The following IQCM variants were observed in gnomAD, a reference collection of about 807,000 sequenced individuals.
The protein encoded by IQCM is IQ domain-containing protein M.
IQCM carries 45 observed loss-of-function variants against 57.6 expected under a neutral mutation model. The ratio of observed to expected loss-of-function variants is 0.78; its 90% confidence interval spans 0.62 to 1.00. The LOEUF is 1.00. Ranked by LOEUF, IQCM falls within the 50% of genes least tolerant of loss-of-function variation. IQCM has a pLI of 0.00. For synonymous variants in IQCM, 148 were observed against 158.9 expected, an observed-to-expected ratio of 0.93 and a Z score of 0.51; for missense variants, 468 against 511.6, an observed-to-expected ratio of 0.91 and a Z score of 0.82.
chr4:149,646,376 T>C (rs1758639124), intron 7 of IQCM, among the ~76,000 whole-genome samples: 2 of 152,114 alleles, frequency 1.3e-5, no homozygotes, highest in South Asian at 4.1e-4. Flanking sequence ...TGAGGTTTTT[T>C]TTTAAGTCAG....
At position 149,621,154 on chromosome 4, in the gene IQCM, G is replaced by A; in HGVS notation, c.656C>T (p.Ser219Leu). 1.6e-6 allele frequency: 2 copies of A among 1,229,328 alleles called. No homozygotes were observed. The highest frequency in any genetic ancestry group is 3.2e-5 in the East Asian group (1 of 31,680). 76.2% of individuals were successfully genotyped at this position (1,229,328 alleles called of 1,614,324 possible). ...AGAATAATAATCCCGAAATATTGATGATGATTGAGAGAAACTAACTCGACG... is the reference window on the plus strand; with the variant it reads ...AGAATAATAATCCCGAAATATTGATAATGATTGAGAGAAACTAACTCGACG... ...DSRRVSFSQS[S>L]SIFRDYYSKT... The change falls in exon 8 of 14, where the codon TCA (serine) becomes TTA (leucine). Residue 219 changes from serine (S) to leucine (L), a missense_variant. Ser to Leu is a moderately radical substitution (Grantham distance 145). Coordinates refer to ENST00000636793, the MANE Select transcript of IQCM (RefSeq NM_001363507.2).
intron 2 of IQCM, among the ~76,000 whole-genome samples, chr4:149,796,044 G>A (rs1773081513): frequency 6.6e-6 from 1 of 152,162 alleles, no homozygotes; most frequent in Non-Finnish European, 1.5e-5. Flanking sequence ...CTTGAGAAAA[G>A]CAGAGGGAAA....
chr4:149,597,329 G>A (rs1753870958), intron 8 of IQCM, among the ~76,000 whole-genome samples: 1 of 152,072 alleles, frequency 6.6e-6, no homozygotes, highest in Non-Finnish European at 1.5e-5. Flanking sequence ...AATGACAATT[G>A]AATGACTCAC....
chr4:149,723,986 T>G (rs1765676257), intron 5 of IQCM, among the ~76,000 whole-genome samples: 2 of 151,966 alleles, frequency 1.3e-5, no homozygotes, highest in Admixed American at 1.3e-4. Flanking sequence ...GTTACTGGTC[T>G]GTTCAGGATT....
At chr4:149,710,012 A>G (rs1186507098) in intron 5 of IQCM, among the ~76,000 whole-genome samples, 2 of 152,126 alleles carry the variant, frequency 1.3e-5, no homozygotes, top group East Asian at 1.9e-4. Context: ...TGAGAGTAAC[A>G]TTCTGTTTTC....
At chr4:149,807,717 A>G (rs1234073186) in intron 2 of IQCM, among the ~76,000 whole-genome samples, 7 of 151,768 alleles carry the variant, frequency 4.6e-5, no homozygotes, top group African/African-American at 1.2e-4. Flanking sequence ...TATATAAGGG[A>G]AAAAAAATTA....
intron 9 of IQCM, among the ~76,000 whole-genome samples, chr4:149,572,711 A>G (rs1751280500): frequency 6.6e-6 from 1 of 152,030 alleles, no homozygotes; most frequent in East Asian, 1.9e-4. Context: ...TGTTGTGATT[A>G]GTTAAAACAC....
chr4:149,789,266 T>A (rs554146279), intron 2 of IQCM, among the ~76,000 whole-genome samples: 1 of 152,302 alleles, frequency 6.6e-6, no homozygotes, highest in East Asian at 1.9e-4. Context: ...ATGGACCCCA[T>A]AAATATTTAA....
At chr4:149,503,743 G>A (rs1743504859) in intron 12 of IQCM, among the ~76,000 whole-genome samples, 1 of 151,978 alleles carries the variant, frequency 6.6e-6, no homozygotes, top group Non-Finnish European at 1.5e-5. Context: ...ATCTGTATCA[G>A]CCCTTAAATG....
chr4:149,731,382 C>T (rs1011396429), intron 5 of IQCM, among the ~76,000 whole-genome samples: 1 of 152,086 alleles, frequency 6.6e-6, no homozygotes, highest in East Asian at 1.9e-4. Flanking sequence ...AGAGACTGGA[C>T]CCTCACAAAA....
chr4:149,480,733 T>C (rs1008343266), intron 12 of IQCM, among the ~76,000 whole-genome samples: 2 of 152,210 alleles, frequency 1.3e-5, no homozygotes, highest in African/African-American at 2.4e-5. Flanking sequence ...GGAGTGCAGT[T>C]ACCTCTTTGA....
intron 9 of IQCM, among the ~76,000 whole-genome samples, chr4:149,573,536 A>G (rs557351105): frequency 1.3e-5 from 2 of 152,088 alleles, no homozygotes; most frequent in South Asian, 4.1e-4. Flanking sequence ...TTCACTGTGT[A>G]AAGTAAAAGT....
intron 12 of IQCM, among the ~76,000 whole-genome samples, chr4:149,506,997 G>T (rs940164564): frequency 1.3e-5 from 2 of 152,178 alleles, no homozygotes; most frequent in Admixed American, 6.5e-5. Context: ...GGACCTGGGG[G>T]CAGGTCTTTC....
chr4:149,615,893 A>C (rs879405742), intron 8 of IQCM, among the ~76,000 whole-genome samples: 8 of 152,180 alleles, frequency 5.3e-5, no homozygotes, highest in Non-Finnish European at 1.2e-4. Flanking sequence ...CTGAATTGAT[A>C]AAACAATTTC....
chr4:149,512,661 A>C (rs938825996), intron 12 of IQCM, among the ~76,000 whole-genome samples: 2 of 152,218 alleles, frequency 1.3e-5, no homozygotes, highest in African/African-American at 4.8e-5. Context: ...CCAGCAGCTC[A>C]TATTACTGCT....
rs924956638 is a variant in IQCM at position 149,351,872 on chromosome 4, A to T, written c.*79T>A. On this transcript the variant is annotated 3_prime_UTR_variant, in exon 14 of 14. Coordinates refer to ENST00000636793, the MANE Select transcript of IQCM (RefSeq NM_001363507.2). Reference sequence around the variant, plus strand: ...TTATCCTTTCTTCCTACTCATACAGAATTGATCCACCTCCAGTGTTAACTT... The same window carrying T: ...TTATCCTTTCTTCCTACTCATACAGTATTGATCCACCTCCAGTGTTAACTT... 16 of 397,484 alleles carry T rather than the reference A, an allele frequency of 4.0e-5. No individual in the cohort carries two copies. Among genetic ancestry groups the T allele is most frequent in the Middle Eastern group, 6.2e-4 (1 of 1,610 alleles). The allele number at this position is 397,484 out of a possible 1,614,324, so 24.6% of individuals were successfully genotyped here. A position where few individuals can be genotyped will look rare whatever the true frequency, so the allele number is the denominator to read the frequency against.
intron 13 of IQCM, among the ~76,000 whole-genome samples, chr4:149,416,956 A>C (rs1404716692): frequency 2.0e-5 from 3 of 152,106 alleles, no homozygotes; most frequent in Non-Finnish European, 4.4e-5. Flanking sequence ...GTCTGTTGAA[A>C]ATTTCTGTAA....
chr4:149,587,582 A>C (rs1368842214), intron 9 of IQCM, among the ~76,000 whole-genome samples: 4 of 151,840 alleles, frequency 2.6e-5, no homozygotes, highest in East Asian at 3.9e-4. Flanking sequence ...AACAAACAAA[A>C]AAAAATAGCT....
intron 2 of IQCM, among the ~76,000 whole-genome samples, chr4:149,786,109 T>G (rs999025643): frequency 6.6e-6 from 1 of 152,158 alleles, no homozygotes; most frequent in Non-Finnish European, 1.5e-5. Flanking sequence ...ACTAAATAAA[T>G]GAACCAAATA....
Sources: gnomAD v4.1 joint callset for allele counts (sites outside exome capture counted in the v4.1 genomes callset) on GRCh38, gnomAD v4.1.1 for gene constraint, MANE v1.5 for transcripts, NCBI Gene and HGNC (gene_info 2026-07-23, HGNC 2026-07-21) for gene names.